CSMD1: variants seen among roughly 807,000 people sequenced by gnomAD.
CSMD1 encodes CUB and sushi domain-containing protein 1.
A neutral mutation model predicts 417.5 loss-of-function variants in CSMD1; 213 were observed. That is an observed-to-expected ratio of 0.51 (90% CI 0.46 to 0.57). The LOEUF is 0.57. CSMD1 is among the 20% of genes least tolerant of loss of function. The pLI is 0.00. For synonymous variants in CSMD1, 2,862 were observed against 1,736.8 expected, an observed-to-expected ratio of 1.65 and a Z score of -16.11; for missense variants, 6,923 against 4,529.7, an observed-to-expected ratio of 1.53 and a Z score of -15.17.
intron 3 of CSMD1, among the ~76,000 whole-genome samples, chr8:4,322,053 TCA>T (rs1585228958): frequency 6.6e-6 from 1 of 152,112 alleles, no homozygotes; most frequent in South Asian, 2.1e-4. Flanking sequence ...AATGCCTAAT[TCA>T]CAGATACTTT....
rs1159313526 is a variant in CSMD1, at chr8:4,180,686, G to A, written c.416-148587C>T. ...CCAGCACTGGCCATATGAAAGGCAA[G>A]GTAGCTCACTGGTTGTCATGGAACT... On this transcript the variant is annotated intron_variant, in intron 3 of 69. Coordinates refer to ENST00000635120, the MANE Select transcript of CSMD1 (RefSeq NM_033225.6). Among the ~76,000 whole-genome samples, 7 of 152,252 alleles carry A rather than the reference G, an allele frequency of 4.6e-5. No individual in the cohort carries two copies. In the South Asian group the frequency reaches 1.0e-3, roughly 23 times the overall value.
intron 46 of CSMD1, among the ~76,000 whole-genome samples, chr8:3,100,654 T>C (rs182357442): frequency 6.6e-6 from 1 of 152,326 alleles, no homozygotes; most frequent in Non-Finnish European, 1.5e-5. Context: ...TTATGATCCT[T>C]CTGCACAATG....
At chr8:3,616,453 C>G (rs563650898) in intron 8 of CSMD1, among the ~76,000 whole-genome samples, 127 of 152,264 alleles carry the variant, frequency 8.3e-4, no homozygotes, top group African/African-American at 3.0e-3. Flanking sequence ...AATTAAACGT[C>G]TTTCCTTTAT....
chr8:4,245,898 G>C (rs1264428017), intron 3 of CSMD1, among the ~76,000 whole-genome samples: 2 of 151,990 alleles, frequency 1.3e-5, no homozygotes, highest in African/African-American at 2.4e-5. Context: ...TTCATACATG[G>C]TGCTTTAGCT....
At chr8:4,068,604 CAT>C (rs1298348041) in intron 3 of CSMD1, among the ~76,000 whole-genome samples, 1 of 152,022 alleles carries the variant, frequency 6.6e-6, no homozygotes, top group African/African-American at 2.4e-5. Context: ...TTGCAGAAAA[CAT>C]ATCTAGTTCA....
intron 2 of CSMD1, among the ~76,000 whole-genome samples, chr8:4,634,220 T>C (rs1048127978): frequency 1.3e-5 from 2 of 152,152 alleles, no homozygotes. Flanking sequence ...AAGATGATAA[T>C]ATAAAGGATA....
At chr8:3,958,263 T>A (rs891723249) in intron 5 of CSMD1, among the ~76,000 whole-genome samples, 1 of 151,908 alleles carries the variant, frequency 6.6e-6, no homozygotes, top group Admixed American at 6.6e-5. Flanking sequence ...TTTGTAATAT[T>A]ACAATGTGGT....
At chr8:4,084,013 C>T (rs1012807870) in intron 3 of CSMD1, among the ~76,000 whole-genome samples, 4 of 151,900 alleles carry the variant, frequency 2.6e-5, no homozygotes, top group Admixed American at 6.6e-5. Flanking sequence ...AACAAACAAC[C>T]CCATCAAGAA....
At chr8:4,101,750 T>A (rs1420931232) in intron 3 of CSMD1, among the ~76,000 whole-genome samples, 1 of 152,192 alleles carries the variant, frequency 6.6e-6, no homozygotes, top group African/African-American at 2.4e-5. Context: ...CAATGATAAG[T>A]GAAAGCTTTT....
At chr8:3,822,857 G>A (rs556481660) in intron 5 of CSMD1, among the ~76,000 whole-genome samples, 2 of 152,082 alleles carry the variant, frequency 1.3e-5, no homozygotes, top group Admixed American at 1.3e-4. Flanking sequence ...TATGCATGTG[G>A]TATTTAGAAT....
intron 36 of CSMD1, among the ~76,000 whole-genome samples, chr8:3,185,250 T>TTA (rs1821674385): frequency 6.6e-6 from 1 of 152,240 alleles, no homozygotes; most frequent in African/African-American, 2.4e-5. Flanking sequence ...GCAGTGGTAT[T>TTA]TATGTCAAAC....
intron 2 of CSMD1, among the ~76,000 whole-genome samples, chr8:4,627,285 G>A (rs1440540792): frequency 6.6e-6 from 1 of 152,038 alleles, no homozygotes; most frequent in Non-Finnish European, 1.5e-5. Context: ...ATCTTAAACA[G>A]AAAAAAGTCA....
At chr8:4,763,793 A>G (rs1011138232) in intron 1 of CSMD1, among the ~76,000 whole-genome samples, 1 of 152,188 alleles carries the variant, frequency 6.6e-6, no homozygotes, top group African/African-American at 2.4e-5. Context: ...AACTTATCTA[A>G]AAGACTGCAA....
intron 2 of CSMD1, among the ~76,000 whole-genome samples, chr8:4,552,833 T>C (rs1262254078): frequency 6.6e-6 from 1 of 152,230 alleles, no homozygotes; most frequent in East Asian, 1.9e-4. Context: ...ACTGCAATTA[T>C]GCTCTAGCTG....
At chr8:4,317,519 T>C (rs1416954645) in intron 3 of CSMD1, among the ~76,000 whole-genome samples, 1 of 152,214 alleles carries the variant, frequency 6.6e-6, no homozygotes, top group Non-Finnish European at 1.5e-5. Context: ...TAAGTGACTT[T>C]TCTTGGCTGT....
At chr8:4,460,730 C>T (rs1167371569) in intron 2 of CSMD1, among the ~76,000 whole-genome samples, 1 of 151,978 alleles carries the variant, frequency 6.6e-6, no homozygotes, top group Non-Finnish European at 1.5e-5. Flanking sequence ...ACAAATTACC[C>T]AAAACTTAAG....
At chr8:4,337,988 C>G (rs1051716829) in intron 3 of CSMD1, among the ~76,000 whole-genome samples, 5 of 152,080 alleles carry the variant, frequency 3.3e-5, no homozygotes, top group Admixed American at 6.6e-5. Flanking sequence ...TGTAAAATGT[C>G]TGTATTCCCA....
intron 15 of CSMD1, among the ~76,000 whole-genome samples, chr8:3,400,538 C>T (rs187947793): frequency 6.6e-6 from 1 of 151,772 alleles, no homozygotes; most frequent in Admixed American, 6.6e-5. Flanking sequence ...GAAACAAATA[C>T]AGAAAAAATA....
chr8:3,964,715 T>C (rs901058062), intron 5 of CSMD1, among the ~76,000 whole-genome samples: 2 of 152,200 alleles, frequency 1.3e-5, no homozygotes, highest in Admixed American at 1.3e-4. Context: ...CGCTTCAAAA[T>C]CCATTGCAAT....
Sources: gnomAD v4.1 joint callset for allele counts (sites outside exome capture counted in the v4.1 genomes callset) on GRCh38, gnomAD v4.1.1 for gene constraint, MANE v1.5 for transcripts, NCBI Gene and HGNC (gene_info 2026-07-23, HGNC 2026-07-21) for gene names.